KDM2A: variants seen among roughly 807,000 people sequenced by gnomAD.
KDM2A encodes the protein lysine-specific demethylase 2A.
In KDM2A, 3 loss-of-function variants were observed where a neutral mutation model predicts 137.3. The observed-to-expected ratio is 0.02, with a 90% CI of 0.01 to 0.06. KDM2A has a LOEUF of 0.06. KDM2A is among the 10% of genes least tolerant of loss of function. The pLI is 1.00. For synonymous variants in KDM2A, 512 were observed against 541.5 expected (o/e 0.95, Z 0.76); for missense variants, 738 against 1,510.6 (o/e 0.49, Z 8.48).
At chr11:67,181,619 A>G (rs1259583764) in intron 4 of KDM2A, among the ~76,000 whole-genome samples, 3 of 152,000 alleles carry the variant, frequency 2.0e-5, no homozygotes, top group Non-Finnish European at 4.4e-5. Flanking sequence ...ACAAATTTAA[A>G]TCTCCTGAAA....
At chr11:67,131,646 G>A (rs994178430) in intron 2 of KDM2A, among the ~76,000 whole-genome samples, 10 of 151,866 alleles carry the variant, frequency 6.6e-5, no homozygotes, top group Non-Finnish European at 7.4e-5. Context: ...TCCTGACCTC[G>A]GGTGATCCAC....
intron 5 of KDM2A, chr11:67,196,639 T>C: frequency 2.8e-6 from 1 of 360,406 alleles, no homozygotes; most frequent in Non-Finnish European, 5.5e-6. Flanking sequence ...ATATAAATAC[T>C]GTGTAATTCC....
chr11:67,213,244 A>C (rs1353017191), intron 6 of KDM2A, among the ~76,000 whole-genome samples: 1 of 152,190 alleles, frequency 6.6e-6, no homozygotes, highest in Non-Finnish European at 1.5e-5. Flanking sequence ...AAATACGTAG[A>C]TGTTGTTACA....
At chr11:67,242,416 TTC>T (rs1314973248) in intron 12 of KDM2A, among the ~76,000 whole-genome samples, 2 of 152,216 alleles carry the variant, frequency 1.3e-5, no homozygotes, top group East Asian at 3.8e-4. Flanking sequence ...ATCTCATTAA[TTC>T]TGTATTAGCA....
At position 67,257,722 on chromosome 11, in the gene KDM2A, T is replaced by TA. The variant is rs1225799498; in HGVS notation, c.*2667_*2668insA. On this transcript the variant is annotated 3_prime_UTR_variant, in exon 21 of 21. Transcript: ENST00000529006. ...TTCGGAGAAATATTGTAAATATATATTTTTTTGTTGCTGATTTAGAGTCAA... is the reference window on the plus strand; with the variant it reads ...TTCGGAGAAATATTGTAAATATATATATTTTTTGTTGCTGATTTAGAGTCAA... 3.3e-5 allele frequency: 5 copies of TA among 152,270 alleles called. No homozygotes were observed. Among genetic ancestry groups the TA allele is most frequent in the South Asian group, 2.1e-4 (1 of 4,832 alleles). 9.4% of individuals were successfully genotyped at this position (152,270 alleles called of 1,614,324 possible). A position where few individuals can be genotyped will look rare whatever the true frequency, so the allele number is the denominator to read the frequency against.
intron 10 of KDM2A, among the ~76,000 whole-genome samples, chr11:67,225,863 G>A (rs1007310552): frequency 1.1e-4 from 16 of 151,960 alleles, no homozygotes; most frequent in African/African-American, 3.4e-4. Context: ...TCAGGAGTTC[G>A]AGACCAGCCT....
intron 5 of KDM2A, among the ~76,000 whole-genome samples, chr11:67,202,897 A>G (rs1486214503): frequency 2.0e-5 from 3 of 151,882 alleles, no homozygotes; most frequent in African/African-American, 7.3e-5. Flanking sequence ...CCGGAGGCTA[A>G]GGTGGAAGGA....
Position 67,139,572 on chromosome 11 carries a change from T to G in KDM2A, c.42+18214T>G, listed in dbSNP as rs377406272. 9.3e-4 allele frequency among the ~76,000 whole-genome samples: 142 copies of G among 152,182 alleles called. 4 individuals carry two copies. In the South Asian group the frequency reaches 0.028, roughly 30 times the overall value. On this transcript the variant is annotated intron_variant, in intron 2 of 20. Transcript: ENST00000529006. ...TTTTTGTTTTTTAGAGATGGATCTGTCTACGTTGGTTGCCCAGGCTGGTCT... is the reference window on the plus strand; with the variant it reads ...TTTTTGTTTTTTAGAGATGGATCTGGCTACGTTGGTTGCCCAGGCTGGTCT...
At chr11:67,240,356 A>T in intron 12 of KDM2A, 1 of 1,535,204 alleles carries the variant, frequency 6.5e-7, no homozygotes. Flanking sequence ...CTCCAGAGCG[A>T]CGGGAAACGA....
intron 5 of KDM2A, among the ~76,000 whole-genome samples, chr11:67,198,279 G>T (rs1177968098): frequency 6.6e-6 from 1 of 151,386 alleles, no homozygotes; most frequent in Non-Finnish European, 1.5e-5. Context: ...CCCAGAGTAT[G>T]AGCGCACCTC....
intron 2 of KDM2A, among the ~76,000 whole-genome samples, chr11:67,169,757 CTCTTTTTTTTT>C (rs1650053150): frequency 2.2e-5 from 1 of 44,862 alleles, no homozygotes; most frequent in African/African-American, 3.8e-5. Flanking sequence ...CTCTCTCTCT[CTCTTTTTTTTT>C]TTTTTTTGAG....
intron 2 of KDM2A, among the ~76,000 whole-genome samples, chr11:67,156,514 G>A (rs1307495234): frequency 1.3e-5 from 2 of 151,656 alleles, no homozygotes; most frequent in East Asian, 2.0e-4. Flanking sequence ...TCAGGAGATC[G>A]AGACCATCCT....
chr11:67,139,605 C>A (rs538229886), intron 2 of KDM2A, among the ~76,000 whole-genome samples: 1 of 152,156 alleles, frequency 6.6e-6, no homozygotes, highest in South Asian at 2.1e-4. Context: ...TCTTGAACTC[C>A]TAGGCTCAAG....
At chr11:67,235,499 C>A (rs1565418183) in intron 12 of KDM2A, among the ~76,000 whole-genome samples, 1 of 151,884 alleles carries the variant, frequency 6.6e-6, no homozygotes, top group East Asian at 1.9e-4. Context: ...GACTGGGCTT[C>A]TTCATGTTGT....
chr11:67,206,683 G>A (rs575202598), intron 5 of KDM2A, among the ~76,000 whole-genome samples: 1 of 152,014 alleles, frequency 6.6e-6, no homozygotes, highest in South Asian at 2.1e-4. Flanking sequence ...GTTGCAGTGA[G>A]CCGAGAGCGT....
intron 2 of KDM2A, among the ~76,000 whole-genome samples, chr11:67,144,250 ATTTT>A (rs780214487): frequency 2.3e-5 from 3 of 131,690 alleles, no homozygotes; most frequent in Non-Finnish European, 3.3e-5. Flanking sequence ...TTGGCCTTAA[ATTTT>A]TTTTTTTTTT....
intron 9 of KDM2A, 53 bp downstream of exon 9, chr11:67,217,937 A>G (rs772684146): frequency 6.9e-7 from 1 of 1,459,750 alleles, no homozygotes; most frequent in Non-Finnish European, 9.2e-7. Flanking sequence ...CTTAATGAAA[A>G]AGAAATTGAT....
intron 2 of KDM2A, among the ~76,000 whole-genome samples, chr11:67,162,650 C>T (rs1351329401): frequency 6.6e-6 from 1 of 152,248 alleles, no homozygotes; most frequent in East Asian, 1.9e-4. Flanking sequence ...AAGTGATCCG[C>T]CCGCCTCGGC....
At chr11:67,246,250 T>G (rs1428375289) in intron 15 of KDM2A, 134 bp downstream of exon 15, 9 of 927,868 alleles carry the variant, frequency 9.7e-6, no homozygotes, top group Non-Finnish European at 1.5e-5. Flanking sequence ...AATGCAGTGG[T>G]CTAACATCAG....
Sources: gnomAD v4.1 joint callset for allele counts (sites outside exome capture counted in the v4.1 genomes callset) on GRCh38, gnomAD v4.1.1 for gene constraint, MANE v1.5 for transcripts, NCBI Gene and HGNC (gene_info 2026-07-23, HGNC 2026-07-21) for gene names.